The following RPAP1 variants were observed in gnomAD, a reference collection of about 807,000 sequenced individuals.
The protein encoded by RPAP1 is RNA polymerase II associated protein 1.
Under a neutral mutation model 142.4 loss-of-function variants are expected in RPAP1, and 109 were observed. That is an observed-to-expected ratio of 0.77 (90% confidence interval 0.66 to 0.90). RPAP1 has a LOEUF of 0.90. RPAP1 is among the 40% of genes least tolerant of loss of function. The pLI is 0.00. For missense variants in RPAP1, 1,546 were observed against 1,751.7 expected (o/e 0.88, Z 2.10); for synonymous variants, 704 against 738.9 (o/e 0.95, Z 0.77).
chr15:41,533,166 C>T (rs2051871742), intron 6 of RPAP1, among the ~76,000 whole-genome samples: 1 of 151,954 alleles, frequency 6.6e-6, no homozygotes, highest in African/African-American at 2.4e-5. Context: ...AGTTTAAGGA[C>T]AGAACTGAAT....
intron 2 of RPAP1, 86 bp from the exon 3 acceptor site, chr15:41,536,735 G>T: frequency 6.6e-7 from 1 of 1,521,600 alleles, no homozygotes; most frequent in Non-Finnish European, 8.9e-7. Flanking sequence ...CAGCTGCCAT[G>T]GGGCCCTGGC....
rs776476528 is a variant in RPAP1, at chr15:41,524,274, G to A, written c.2076-20C>T. On this transcript the variant is annotated intron_variant, in intron 15 of 24. Coordinates refer to ENST00000304330, the MANE Select transcript of RPAP1 (RefSeq NM_015540.4). Reference sequence around the variant, plus strand: ...AGCTCCCTAGGGAAGAACAGGGACTGATTTTCACTGTATGAAAGCAAGTGG... The same window carrying A: ...AGCTCCCTAGGGAAGAACAGGGACTAATTTTCACTGTATGAAAGCAAGTGG... 1 of 1,508,198 alleles carries A rather than the reference G, an allele frequency of 6.6e-7. No homozygotes were observed. Among genetic ancestry groups the A allele is most frequent in the Admixed American group, 2.3e-5 (1 of 44,054 alleles). 93.4% of individuals were successfully genotyped at this position (1,508,198 alleles called of 1,614,324 possible).
At chr15:41,535,035 A>G in intron 5 of RPAP1, 100 bp from the exon 6 acceptor site, 2 of 1,176,520 alleles carry the variant, frequency 1.7e-6, no homozygotes, top group Non-Finnish European at 2.4e-6. Context: ...GGAGACAGGT[A>G]TAGACCCAAA....
Position 41,520,488 on chromosome 15 carries a change from A to C in RPAP1, c.3698T>G (p.Leu1233Arg). Residue 1233 changes from leucine to arginine, a missense_variant, in exon 22 of 25, where the codon CTC becomes CGC. Physicochemically the swap from Leu to Arg is moderately radical, Grantham distance 102 (BLOSUM62 -2). Coordinates refer to ENST00000304330, the MANE Select transcript of RPAP1 (RefSeq NM_015540.4). ...ACTGAACCGACGCTGCAGGGGCAGG[A>C]GGACCAGGGCCCCAAAGAGGTGGTC... Reference protein sequence around the residue: ...FGDHLFGALVLLPLQRRFSVT... With the variant: ...FGDHLFGALVRLPLQRRFSVT... 1 of 1,614,148 alleles carries C rather than the reference A, an allele frequency of 6.2e-7. No individual in the cohort carries two copies. Among genetic ancestry groups the C allele is most frequent in the Non-Finnish European group, 8.5e-7 (1 of 1,179,996 alleles).
At chr15:41,541,770 C>A (rs1290889639) in intron 1 of RPAP1, among the ~76,000 whole-genome samples, 1 of 152,144 alleles carries the variant, frequency 6.6e-6, no homozygotes, top group Admixed American at 6.6e-5. Flanking sequence ...TGGCGTGAAC[C>A]CGGGAAGTGG....
intron 1 of RPAP1, among the ~76,000 whole-genome samples, chr15:41,539,317 G>A (rs1309582595): frequency 6.0e-5 from 9 of 150,978 alleles, no homozygotes; most frequent in Non-Finnish European, 1.0e-4. Context: ...TTTTTGAGAC[G>A]GAGTTTTGCT....
chr15:41,538,827 T>C (rs879117237), intron 1 of RPAP1, among the ~76,000 whole-genome samples: 4 of 152,174 alleles, frequency 2.6e-5, no homozygotes, highest in South Asian at 2.1e-4. Context: ...TGCACAAACA[T>C]TGAAAACATT....
chr15:41,527,800 G>A (rs11070334), intron 11 of RPAP1, 60 bp downstream of exon 11: 647,329 of 1,593,980 alleles, frequency 0.41, 136,097 homozygotes, highest in Middle Eastern at 0.48. Context: ...CCATGCCCAG[G>A]AACAGGAATA....
intron 1 of RPAP1, among the ~76,000 whole-genome samples, chr15:41,543,649 C>T (rs1436904397): frequency 6.6e-6 from 1 of 152,178 alleles, no homozygotes; most frequent in Non-Finnish European, 1.5e-5. Context: ...TATAAATAAA[C>T]CTCAGTAACA....
At chr15:41,541,393 A>G (rs1197748629) in intron 1 of RPAP1, among the ~76,000 whole-genome samples, 1 of 149,896 alleles carries the variant, frequency 6.7e-6, no homozygotes, top group Non-Finnish European at 1.5e-5. Context: ...ACTGCCCTCC[A>G]GCTTGGGTGA....
At position 41,531,004 on chromosome 15, in the gene RPAP1, A is replaced by T; in HGVS notation, c.943+19T>A. 6.3e-7 allele frequency: 1 copy of T among 1,593,258 alleles called. No individual in the cohort carries two copies. The highest frequency in any genetic ancestry group is 8.6e-7 in the Non-Finnish European group (1 of 1,164,122). On this transcript the variant is annotated intron_variant, in intron 7 of 24. Transcript: ENST00000304330. ...CCCTACTTTTATCCACCAAAATATG[A>T]CCCCCGCCTCCTGCAAACCTGGGGC...
In RPAP1 at chr15:41,520,922, T is replaced by C. The variant is rs376717288; in HGVS notation, c.3264A>G (p.Leu1088=). 6.2e-7 allele frequency: 1 copy of C among 1,613,218 alleles called. No individual in the cohort carries two copies. The highest frequency in any genetic ancestry group is 8.5e-7 in the Non-Finnish European group (1 of 1,179,844). ...GCAGCGGCTCCGTAGGCATGGGCAG[T>C]AGCAGGGTTGGGACTCGCTGTAGCT... The part of the protein sequence containing the change: ...RGELQRVPTL[L]LPMPTEPLLP... The change falls in exon 22 of 25, where the codon CTA becomes CTG. Residue 1088 remains leucine, a synonymous_variant. Coordinates refer to ENST00000304330, the MANE Select transcript of RPAP1 (RefSeq NM_015540.4).
intron 5 of RPAP1, 69 bp downstream of exon 5, chr15:41,535,443 C>A: frequency 1.3e-6 from 2 of 1,522,602 alleles, no homozygotes; most frequent in South Asian, 1.3e-5. Context: ...GAAGACATAT[C>A]TTCAAAAATG....
intron 6 of RPAP1, among the ~76,000 whole-genome samples, chr15:41,534,033 A>T (rs1329562447): frequency 1.3e-5 from 2 of 151,464 alleles, no homozygotes; most frequent in African/African-American, 4.9e-5. Flanking sequence ...GAGGCAGGAG[A>T]ATCATTTGAA....
intron 6 of RPAP1, among the ~76,000 whole-genome samples, chr15:41,532,320 G>A (rs1264837224): frequency 1.3e-5 from 2 of 151,920 alleles, no homozygotes; most frequent in Non-Finnish European, 2.9e-5. Flanking sequence ...ACACCTGGCT[G>A]TAATTTTTTA....
intron 14 of RPAP1, among the ~76,000 whole-genome samples, chr15:41,526,228 C>T (rs1224252961): frequency 1.3e-5 from 2 of 152,134 alleles, no homozygotes; most frequent in African/African-American, 2.4e-5. Flanking sequence ...TGATTACAGG[C>T]GTGAGCCACT....
chr15:41,520,940 C>T lies in RPAP1; in HGVS notation c.3246G>A (p.Gln1082=), dbSNP rs761953556. ...TGGGCAGTAGCAGGGTTGGGACTCG[C>T]TGTAGCTCCCCTCGGTGCAGAGCCT... ...ASQALHRGEL[Q]RVPTLLLPMP... The change falls in exon 22 of 25, where the codon CAG becomes CAA. Residue 1082 remains glutamine (Q), a synonymous_variant. Transcript: ENST00000304330. 5 of 1,612,246 alleles carry T rather than the reference C, an allele frequency of 3.1e-6. No individual in the cohort carries two copies. The South Asian group carries it at 5.5e-5, about 18-fold the overall frequency.
At chr15:41,544,193 TC>T (rs1304696650) in intron 1 of RPAP1, 25 bp downstream of exon 1, 3 of 152,338 alleles carry the variant, frequency 2.0e-5, no homozygotes, top group Non-Finnish European at 2.9e-5. Flanking sequence ...TCACCTGAAA[TC>T]CGTCCCTCCA....
intron 1 of RPAP1, among the ~76,000 whole-genome samples, chr15:41,537,995 G>A (rs2051930256): frequency 6.6e-6 from 1 of 152,156 alleles, no homozygotes; most frequent in African/African-American, 2.4e-5. Context: ...TGTAATCCCA[G>A]CACTTTGGGA....
Sources: allele counts gnomAD v4.1 joint callset (sites outside exome capture counted in the v4.1 genomes callset), GRCh38; gene constraint gnomAD v4.1.1; transcripts MANE v1.5; gene names NCBI Gene and HGNC (gene_info 2026-07-23, HGNC 2026-07-21).